The following PCNX4 variants were observed in gnomAD, a reference collection of about 807,000 sequenced individuals.
PCNX4 encodes the protein pecanex 4.
PCNX4 carries 103 observed loss-of-function variants against 107.2 expected under a neutral mutation model. That is an observed-to-expected ratio of 0.96 (90% CI 0.82 to 1.13). The LOEUF (loss-of-function observed/expected upper bound fraction) is 1.13. Among genes scored for constraint, PCNX4 ranks in the 50% most tolerant of loss-of-function variants. PCNX4 has a pLI of 0.00. For missense variants in PCNX4, 1,528 were observed against 1,379.4 expected (o/e 1.11, Z -1.71); for synonymous variants, 541 against 481.7 (o/e 1.12, Z -1.61).
At chr14:60,132,586 A>G (rs1415548261) in intron 10 of PCNX4, among the ~76,000 whole-genome samples, 1 of 152,180 alleles carries the variant, frequency 6.6e-6, no homozygotes, top group Non-Finnish European at 1.5e-5. Context: ...AGCATGAGAA[A>G]CAAAAGAAAA....
rs1488879162 is a variant in PCNX4 at position 60,141,023 on chromosome 14, C to G, written c.*6802C>G. ...GGACAGGGAAAATTAATTTTCCCTACTTATAAAGATGAAAGAGGCAGCCAT... is the reference window on the plus strand; with the variant it reads ...GGACAGGGAAAATTAATTTTCCCTAGTTATAAAGATGAAAGAGGCAGCCAT... On this transcript the variant is annotated 3_prime_UTR_variant, in exon 11 of 11. Coordinates refer to ENST00000406854, the MANE Select transcript of PCNX4 (RefSeq NM_001330177.2). 2.6e-5 allele frequency: 4 copies of G among 152,158 alleles called. No homozygotes were observed. The highest frequency in any genetic ancestry group is 5.9e-5 in the Non-Finnish European group (4 of 68,030). 9.4% of individuals were successfully genotyped at this position (152,158 alleles called of 1,614,324 possible).
At position 60,118,369 on chromosome 14, in the gene PCNX4, A is replaced by C. The variant is rs779144130; in HGVS notation, c.1619A>C (p.Lys540Thr). The C allele has an allele frequency of 6.2e-7, 1 of 1,613,020 alleles. No individual in the cohort carries two copies. Among genetic ancestry groups the C allele is most frequent in the Non-Finnish European group, 8.5e-7 (1 of 1,179,468 alleles). The stretch of plus-strand genomic sequence containing the variant: ...GATCGTTTGATTCAGTTCATCTCTA[A>C]ATTGCAGTTTGCCGTGACTGTGCTT... ...IRDRLIQFIS[K>T]LQFAVTVLLT... Residue 540 changes from lysine (K) to threonine (T), a missense_variant, in exon 7 of 11, where the codon AAA becomes ACA. Transcript: ENST00000406854.
At position 60,140,151 on chromosome 14, in the gene PCNX4, CACAA is replaced by C. The variant is rs1309581794; in HGVS notation, c.*5935_*5938del. 3 of 151,994 alleles carry C rather than the reference CACAA, an allele frequency of 2.0e-5. No homozygotes were observed. Among genetic ancestry groups the C allele is most frequent in the East Asian group, 1.9e-4 (1 of 5,190 alleles). The allele number at this position is 151,994 out of a possible 1,614,324, so 9.4% of individuals were successfully genotyped here. On this transcript the variant is annotated 3_prime_UTR_variant, in exon 11 of 11. Coordinates refer to ENST00000406854, the MANE Select transcript of PCNX4 (RefSeq NM_001330177.2). This position sits in a 1 kb window ranked among gnomAD's most constrained non-coding sequence, Gnocchi z 4.2. ...TCTGGTAGACTGAAAAAGGAAGAAACACAAACAACCAATATCAGGAATGAAAGGA... is the reference window on the plus strand; with the variant it reads ...TCTGGTAGACTGAAAAAGGAAGAAACACAACCAATATCAGGAATGAAAGGA...
chr14:60,092,850 C>G (rs1000354187), intron 1 of PCNX4, among the ~76,000 whole-genome samples: 1 of 152,248 alleles, frequency 6.6e-6, no homozygotes, highest in Non-Finnish European at 1.5e-5. Context: ...AACCTCTTGT[C>G]TCTCCAGGAC....
chr14:60,101,714 AAAAG>A (rs1420757642), intron 1 of PCNX4, among the ~76,000 whole-genome samples: 3 of 152,218 alleles, frequency 2.0e-5, no homozygotes, highest in Non-Finnish European at 2.9e-5. Context: ...AATAATTAAA[AAAAG>A]AGCTACCATA....
chr14:60,099,263 C>T (rs1895486074), intron 1 of PCNX4, among the ~76,000 whole-genome samples: 1 of 152,046 alleles, frequency 6.6e-6, no homozygotes, highest in Non-Finnish European at 1.5e-5. Context: ...TTTCCGTTTT[C>T]CAAATTACTA....
At chr14:60,120,986 A>C (rs935390728) in intron 7 of PCNX4, among the ~76,000 whole-genome samples, 4 of 152,070 alleles carry the variant, frequency 2.6e-5, no homozygotes, top group Non-Finnish European at 4.4e-5. Context: ...TATCACCTGT[A>C]GATTATCTGT....
intron 6 of PCNX4, among the ~76,000 whole-genome samples, chr14:60,116,332 G>A (rs1222003873): frequency 6.6e-6 from 1 of 152,172 alleles, no homozygotes; most frequent in Non-Finnish European, 1.5e-5. Context: ...TCTGCAGCAT[G>A]TGATCTTTTG....
At chr14:60,114,908 T>G in intron 3 of PCNX4, 29 bp downstream of exon 3, 1 of 1,571,316 alleles carries the variant, frequency 6.4e-7, no homozygotes, top group Non-Finnish European at 8.6e-7. Flanking sequence ...TGATGTTATA[T>G]GTAATATTCT....
At chr14:60,131,531 A>G (rs1415374082) in intron 10 of PCNX4, among the ~76,000 whole-genome samples, 1 of 152,250 alleles carries the variant, frequency 6.6e-6, no homozygotes, top group Non-Finnish European at 1.5e-5. Flanking sequence ...ACACTCTGAA[A>G]ACTACAAAAC....
chr14:60,114,568 CTT>C (rs1389429597), intron 2 of PCNX4, 130 bp from the exon 3 acceptor site: 2 of 696,336 alleles, frequency 2.9e-6, no homozygotes, highest in Non-Finnish European at 2.3e-6. Flanking sequence ...GGGACTAAGA[CTT>C]TTCTGTGGTG....
intron 1 of PCNX4, among the ~76,000 whole-genome samples, chr14:60,100,999 C>T (rs966665073): frequency 1.3e-5 from 2 of 152,200 alleles, no homozygotes; most frequent in South Asian, 4.1e-4. Flanking sequence ...TTACCACCTG[C>T]TCTCTGAAGT....
In PCNX4 at chr14:60,107,736, G is replaced by C. The variant is rs1895655502; in HGVS notation, c.98G>C (p.Gly33Ala). ...TVLGGPRFKL[G>A]YCAPPYIYVN... ...CTTGGAGGCCCTCGATTCAAATTAG[G>C]CTATTGTGCCCCTCCTTACATATAT... The change falls in exon 2 of 11, where the codon GGC becomes GCC. Residue 33 changes from glycine to alanine, a missense_variant. By Grantham distance (60) the Gly-to-Ala change is moderately conservative. Transcript: ENST00000406854. 1.2e-6 allele frequency: 2 copies of C among 1,612,564 alleles called. No homozygotes were observed. Among genetic ancestry groups the C allele is most frequent in the Non-Finnish European group, 1.7e-6 (2 of 1,179,694 alleles).
At chr14:60,111,361 G>A (rs938020666) in intron 2 of PCNX4, among the ~76,000 whole-genome samples, 1 of 152,092 alleles carries the variant, frequency 6.6e-6, no homozygotes, top group Non-Finnish European at 1.5e-5. Context: ...AATCGAAAAC[G>A]TAAGGGGAGG....
chr14:60,144,966 T>C lies in PCNX4; in HGVS notation c.*10745T>C. 3.7e-6 allele frequency: 6 copies of C among 1,605,888 alleles called. No homozygotes were observed. The highest frequency in any genetic ancestry group is 5.1e-6 in the Non-Finnish European group (6 of 1,176,688). On this transcript the variant is annotated 3_prime_UTR_variant, in exon 11 of 11. Coordinates refer to ENST00000406854, the MANE Select transcript of PCNX4 (RefSeq NM_001330177.2). ...GGCTTGAAAAGTACAGGTGCTCTTT[T>C]CAGTCATGTTTTGTCTTAAAGATTT... is the stretch of plus-strand genomic sequence containing the variant.
chr14:60,106,371 A>C (rs1292093253), intron 1 of PCNX4, among the ~76,000 whole-genome samples: 1 of 152,178 alleles, frequency 6.6e-6, no homozygotes, highest in African/African-American at 2.4e-5. Flanking sequence ...GCTATACTTT[A>C]TTATTTAGGG....
intron 1 of PCNX4, among the ~76,000 whole-genome samples, chr14:60,095,594 C>G (rs1410922546): frequency 6.6e-6 from 1 of 152,124 alleles, no homozygotes; most frequent in Non-Finnish European, 1.5e-5. Flanking sequence ...ATTTAATTTC[C>G]TTTCACATTT....
rs762027944 is a variant in PCNX4 at position 60,107,724 on chromosome 14, G to C, written c.86G>C (p.Arg29Pro). 1 of 1,612,676 alleles carries C rather than the reference G, an allele frequency of 6.2e-7. No homozygotes were observed. Among genetic ancestry groups the C allele is most frequent in the South Asian group, 1.1e-5 (1 of 91,068 alleles). Residue 29 changes from arginine to proline, a missense_variant, in exon 2 of 11, where the codon CGA (arginine) becomes CCA (proline). Transcript: ENST00000406854. ...RFPQTVLGGP[R>P]FKLGYCAPPY... ...CCACAGACTGTTCTTGGAGGCCCTC[G>C]ATTCAAATTAGGCTATTGTGCCCCT... is the stretch of plus-strand genomic sequence containing the variant.
intron 10 of PCNX4, among the ~76,000 whole-genome samples, chr14:60,131,929 C>T (rs978902235): frequency 9.9e-5 from 15 of 152,190 alleles, no homozygotes; most frequent in African/African-American, 3.4e-4. Context: ...GATGCCAAGA[C>T]CATTCACTGG....
Sources: gnomAD v4.1 joint callset for allele counts (sites outside exome capture counted in the v4.1 genomes callset) on GRCh38, gnomAD v4.1.1 for gene constraint, Gnocchi (gnomAD v3.1) non-coding constraint, MANE v1.5 for transcripts, NCBI Gene and HGNC (gene_info 2026-07-23, HGNC 2026-07-21) for gene names.